Variants in CUTC observed in about 807,000 individuals in gnomAD.
The protein encoded by CUTC is copper homeostasis protein cutC homolog.
A neutral mutation model predicts 36.2 loss-of-function variants in CUTC; 27 were observed. The observed-to-expected ratio is 0.75, with a 90% CI of 0.55 to 1.03. The LOEUF is 1.03. Ranked by LOEUF, CUTC falls within the 50% of genes least tolerant of loss-of-function variation. The probability of loss-of-function intolerance (pLI) is 0.00; values close to 1 mark genes in which losing one functional copy is unlikely to be tolerated. For missense variants in CUTC, 315 were observed against 343.5 expected (o/e 0.92, Z 0.66); for synonymous variants, 114 against 118.3 (o/e 0.96, Z 0.24).
chr10:99,739,306 A>T (rs2208595), intron 2 of CUTC, among the ~76,000 whole-genome samples: 146,819 of 152,252 alleles, frequency 0.96, 71,007 homozygotes, highest in East Asian at 1. Flanking sequence ...AGCTACTCAA[A>T]AGTAGCTTTG....
At chr10:99,746,393 G>A (rs1445848366) in intron 5 of CUTC, among the ~76,000 whole-genome samples, 6 of 151,904 alleles carry the variant, frequency 3.9e-5, no homozygotes, top group Admixed American at 2.0e-4. Flanking sequence ...AGAGGATCAG[G>A]AAAAATAACT....
At chr10:99,745,624 C>T (rs1054480592) in intron 5 of CUTC, among the ~76,000 whole-genome samples, 1 of 152,146 alleles carries the variant, frequency 6.6e-6, no homozygotes, top group Admixed American at 6.6e-5. Context: ...TTTGGGAGAC[C>T]GAGGTGGGTG....
intron 4 of CUTC, 53 bp downstream of exon 4, chr10:99,743,415 C>T (rs2037354811): frequency 6.6e-7 from 1 of 1,509,126 alleles, no homozygotes. Flanking sequence ...TGTATTTATG[C>T]TCACAATATA....
At chr10:99,734,219 G>A (rs1439701089) in intron 1 of CUTC, among the ~76,000 whole-genome samples, 3 of 151,944 alleles carry the variant, frequency 2.0e-5, no homozygotes, top group Non-Finnish European at 2.9e-5. Flanking sequence ...ACAGGCGCCC[G>A]CCACCACGCC....
intron 1 of CUTC, 85 bp from the exon 2 acceptor site, chr10:99,736,161 G>T: frequency 9.6e-7 from 1 of 1,039,872 alleles, no homozygotes; most frequent in Non-Finnish European, 1.5e-6. Flanking sequence ...TTTGCATTTT[G>T]GCAGCAGAAT....
intron 6 of CUTC, among the ~76,000 whole-genome samples, chr10:99,749,171 TC>T (rs1342587640): frequency 1.1e-4 from 16 of 152,192 alleles, no homozygotes; most frequent in Non-Finnish European, 2.2e-4. Context: ...TACATTAACT[TC>T]ACTGAAGTAA....
intron 1 of CUTC, 186 bp downstream of exon 1, chr10:99,732,595 G>A: frequency 7.0e-7 from 1 of 1,435,476 alleles, no homozygotes. Flanking sequence ...GGGGCAGGTA[G>A]CGAGAATGGC....
At chr10:99,751,850 T>G (rs1016263193) in intron 7 of CUTC, among the ~76,000 whole-genome samples, 6 of 152,110 alleles carry the variant, frequency 3.9e-5, no homozygotes, top group African/African-American at 1.4e-4. Flanking sequence ...ACAGCAAGAC[T>G]CCGTCTCAAA....
intron 7 of CUTC, among the ~76,000 whole-genome samples, chr10:99,752,500 G>T (rs909745340): frequency 2.8e-4 from 42 of 152,182 alleles, no homozygotes; most frequent in African/African-American, 9.2e-4. Flanking sequence ...TCAAATTGTG[G>T]TCCTTTTTGG....
chr10:99,744,692 T>C (rs993975302), intron 5 of CUTC, among the ~76,000 whole-genome samples: 3 of 152,354 alleles, frequency 2.0e-5, no homozygotes, highest in Non-Finnish European at 4.4e-5. Flanking sequence ...ACCACAGTGA[T>C]TTTTTAATGT....
intron 5 of CUTC, among the ~76,000 whole-genome samples, chr10:99,745,255 G>T (rs924806954): frequency 3.3e-5 from 5 of 152,182 alleles, no homozygotes. Flanking sequence ...TTCAAAATTT[G>T]TAGAATTTTT....
At chr10:99,739,865 G>C (rs1158416344) in intron 3 of CUTC, 96 bp downstream of exon 3, 1 of 844,872 alleles carries the variant, frequency 1.2e-6, no homozygotes, top group African/African-American at 1.7e-5. Flanking sequence ...CTAATGTCAT[G>C]TTAACTATGT....
At chr10:99,741,324 G>T (rs2037339094) in intron 3 of CUTC, among the ~76,000 whole-genome samples, 1 of 152,126 alleles carries the variant, frequency 6.6e-6, no homozygotes, top group South Asian at 2.1e-4. Flanking sequence ...TTCCTGTCTG[G>T]CTGGTGGAAT....
chr10:99,733,588 C>A (rs192797736), intron 1 of CUTC, among the ~76,000 whole-genome samples: 8 of 152,168 alleles, frequency 5.3e-5, no homozygotes, highest in Admixed American at 2.0e-4. Context: ...AAGCCGAGAT[C>A]GCGCCAATGC....
Position 99,732,296 on chromosome 10 carries a change from A to T in CUTC, c.-53A>T. 1.9e-6 allele frequency: 3 copies of T among 1,548,754 alleles called. No individual in the cohort carries two copies. ...GCGCTTCTTAGCTGGTGCGCGCCGGAGCCCAAATTCCAAGTGGAAACTGCA... is the reference window on the plus strand; with the variant it reads ...GCGCTTCTTAGCTGGTGCGCGCCGGTGCCCAAATTCCAAGTGGAAACTGCA... On this transcript the variant is annotated 5_prime_UTR_variant, in exon 1 of 9. Transcript: ENST00000370476.
chr10:99,734,732 G>A (rs543033846), intron 1 of CUTC, among the ~76,000 whole-genome samples: 17 of 152,194 alleles, frequency 1.1e-4, no homozygotes, highest in African/African-American at 3.6e-4. Flanking sequence ...TCAGCTTTTA[G>A]TAAATATTTG....
chr10:99,745,039 C>G (rs1048782775), intron 5 of CUTC, among the ~76,000 whole-genome samples: 11 of 152,222 alleles, frequency 7.2e-5, no homozygotes, highest in Non-Finnish European at 1.5e-4. Flanking sequence ...GCGTGAGCCA[C>G]CACCCCTGGC....
In CUTC at chr10:99,755,883, G is replaced by C. The variant is rs550217344; in HGVS notation, c.*144G>C. 824 of 567,402 alleles carry C rather than the reference G, an allele frequency of 1.5e-3. 2 individuals are homozygous for C. Among genetic ancestry groups the C allele is most frequent in the Admixed American group, 2.0e-3 (60 of 30,314 alleles). The allele number at this position is 567,402 out of a possible 1,614,324, so 35.1% of individuals were successfully genotyped here. ...AGTTTCACATGGCCATGGAGAATGT[G>C]CCCAAGAAGAAAAAGAATTTGAAAC... On this transcript the variant is annotated 3_prime_UTR_variant, in exon 9 of 9. Coordinates refer to ENST00000370476, the MANE Select transcript of CUTC (RefSeq NM_015960.3).
chr10:99,739,615 CTG>C (rs755226087), intron 2 of CUTC, 93 bp from the exon 3 acceptor site: 10 of 1,104,234 alleles, frequency 9.1e-6, no homozygotes, highest in South Asian at 8.4e-5. Context: ...ATTTCTAAGA[CTG>C]TTCTATATTT....
Sources: gnomAD v4.1 joint callset for allele counts (sites outside exome capture counted in the v4.1 genomes callset) on GRCh38, gnomAD v4.1.1 for gene constraint, MANE v1.5 for transcripts, NCBI Gene and HGNC (gene_info 2026-07-23, HGNC 2026-07-21) for gene names.